Variants in KAZN observed in about 807,000 individuals in gnomAD.
KAZN encodes kazrin, periplakin interacting protein, also known as kazrin.
In KAZN, 40 loss-of-function variants were observed where a neutral mutation model predicts 87.4. The ratio of observed to expected loss-of-function variants is 0.46; its 90% CI spans 0.36 to 0.60. The LOEUF (loss-of-function observed/expected upper bound fraction) is 0.60. Ranked by LOEUF, KAZN falls within the 20% of genes least tolerant of loss-of-function variation. The pLI, the probability that KAZN is intolerant of heterozygous loss-of-function variation, is 0.00. For missense variants in KAZN, 898 were observed against 1,073.9 expected (o/e 0.84, Z 2.29); for synonymous variants, 466 against 458.3 (o/e 1.02, Z -0.22).
chr1:14,907,786 T>C (rs1572795571), intron 1 of KAZN, among the ~76,000 whole-genome samples: 1 of 152,028 alleles, frequency 6.6e-6, no homozygotes, highest in East Asian at 1.9e-4. Flanking sequence ...GGGATGGCAA[T>C]TGGGGTCTCA....
intron 2 of KAZN, among the ~76,000 whole-genome samples, chr1:14,447,702 G>A (rs571826395): frequency 2.0e-5 from 3 of 152,050 alleles, no homozygotes; most frequent in South Asian, 4.2e-4. Flanking sequence ...AATTCATCTC[G>A]TCTCCTCAGC....
chr1:14,593,852 C>T (rs1036635947), upstream of KAZN, among the ~76,000 whole-genome samples: 3 of 152,120 alleles, frequency 2.0e-5, no homozygotes, highest in Non-Finnish European at 4.4e-5. Flanking sequence ...TGGTGTGGTG[C>T]AAGAAGTCAG....
intron 2 of KAZN, among the ~76,000 whole-genome samples, chr1:14,188,879 G>C (rs1340042485): frequency 6.6e-6 from 1 of 152,042 alleles, no homozygotes; most frequent in Admixed American, 6.6e-5. Context: ...TTTTAAGGTT[G>C]TAGCTCCCAT....
At chr1:14,256,017 C>T (rs528777077) in intron 2 of KAZN, among the ~76,000 whole-genome samples, 21 of 152,218 alleles carry the variant, frequency 1.4e-4, no homozygotes, top group African/African-American at 1.9e-4. Context: ...GACTCTCTGT[C>T]GCAGCTTCTC....
In KAZN at chr1:14,449,406, T is replaced by C. The variant is rs1374012283; in HGVS notation, c.250-149577T>C. Among the ~76,000 whole-genome samples the C allele has an allele frequency of 2.0e-5, 3 of 152,296 alleles. No individual in the cohort carries two copies. In the East Asian group the frequency reaches 5.8e-4, roughly 29 times the overall value. ...TTAGAAATTTTACAGAACCAGAATA[T>C]TTTGCCATCACCCTCAGAAACCTGG... On this transcript the variant is annotated intron_variant, in intron 2 of 16. Coordinates refer to the KAZN transcript ENST00000636203.
At chr1:14,200,155 C>A (rs554378513) in intron 2 of KAZN, among the ~76,000 whole-genome samples, 1 of 152,078 alleles carries the variant, frequency 6.6e-6, no homozygotes, top group Non-Finnish European at 1.5e-5. Context: ...AAATAAAAAT[C>A]CAATAATATT....
intron 1 of KAZN, among the ~76,000 whole-genome samples, chr1:14,647,459 T>C (rs1317545087): frequency 2.6e-5 from 4 of 152,158 alleles, no homozygotes; most frequent in Non-Finnish European, 4.4e-5. Context: ...GACCAGTCAA[T>C]TGTTACAGAA....
intron 1 of KAZN, among the ~76,000 whole-genome samples, chr1:14,865,303 A>G (rs1187088215): frequency 6.6e-6 from 1 of 152,226 alleles, no homozygotes; most frequent in East Asian, 1.9e-4. Context: ...GTAGTTAATG[A>G]AGATGATAAT....
chr1:14,978,771 G>A (rs944025085), intron 2 of KAZN, among the ~76,000 whole-genome samples: 2 of 152,120 alleles, frequency 1.3e-5, no homozygotes, highest in Non-Finnish European at 2.9e-5. Context: ...CAGTCTTTCT[G>A]AGCTGCTCCT....
chr1:14,814,583 G>T lies in KAZN; in HGVS notation c.227-146101G>T, dbSNP rs145646103. ...GTGCTCTGAGCACAGACAAACAGGA[G>T]ACTGGCCTTGCAGTCAAAGATGAGA... On this transcript the variant is annotated intron_variant, in intron 1 of 14. Coordinates refer to ENST00000376030, the MANE Select transcript of KAZN (RefSeq NM_201628.3). Among the ~76,000 whole-genome samples, 820 of 152,366 alleles carry T rather than the reference G, an allele frequency of 5.4e-3. 14 individuals are homozygous for T. The highest frequency in any genetic ancestry group is 0.047 in the East Asian group (242 of 5,178).
chr1:13,952,309 C>T (rs1245032205), intron 1 of KAZN, among the ~76,000 whole-genome samples: 1 of 150,674 alleles, frequency 6.6e-6, no homozygotes, highest in African/African-American at 2.4e-5. Context: ...CACTTCACTG[C>T]TTGGAGTCTT....
At chr1:14,164,325 T>C (rs2100220197) in intron 1 of KAZN, among the ~76,000 whole-genome samples, 1 of 152,220 alleles carries the variant, frequency 6.6e-6, no homozygotes, top group East Asian at 1.9e-4. Flanking sequence ...CACATTCACA[T>C]GGCTGGTGGG....
At chr1:15,082,729 G>A (rs1269987558) in intron 8 of KAZN, among the ~76,000 whole-genome samples, 2 of 152,186 alleles carry the variant, frequency 1.3e-5, no homozygotes, top group African/African-American at 2.4e-5. Context: ...GTCTCGCTCT[G>A]TCGCTCAGGC....
intron 1 of KAZN, among the ~76,000 whole-genome samples, chr1:14,092,915 T>C (rs150143893): frequency 2.6e-5 from 4 of 152,358 alleles, no homozygotes; most frequent in African/African-American, 9.6e-5. Context: ...GCTATCTCTC[T>C]GAACTGGTTA....
chr1:14,540,009 A>G (rs1483205559), intron 2 of KAZN, among the ~76,000 whole-genome samples: 4 of 152,100 alleles, frequency 2.6e-5, no homozygotes, highest in Non-Finnish European at 5.9e-5. Flanking sequence ...CCAGCTTTCT[A>G]AGTAGAATTC....
chr1:14,620,092 G>A (rs1678575324), intron 1 of KAZN, among the ~76,000 whole-genome samples: 1 of 152,164 alleles, frequency 6.6e-6, no homozygotes. Context: ...ACAATAGTAA[G>A]TACAGTTACC....
At chr1:14,508,582 C>T (rs1404590858) in intron 2 of KAZN, among the ~76,000 whole-genome samples, 2 of 152,122 alleles carry the variant, frequency 1.3e-5, no homozygotes, top group Non-Finnish European at 2.9e-5. Flanking sequence ...GGTGGAATCA[C>T]CTGGTTTCAA....
intron 2 of KAZN, among the ~76,000 whole-genome samples, chr1:14,443,092 A>G (rs1010272940): frequency 2.6e-5 from 4 of 152,182 alleles, no homozygotes; most frequent in Non-Finnish European, 5.9e-5. Context: ...CTTGAATTAC[A>G]TAACCTTTAA....
At chr1:14,403,535 G>C (rs1663590503) in intron 2 of KAZN, among the ~76,000 whole-genome samples, 1 of 152,102 alleles carries the variant, frequency 6.6e-6, no homozygotes, top group Non-Finnish European at 1.5e-5. Context: ...TTAGTATCTA[G>C]AATATATAAA....
Sources: gnomAD v4.1 joint callset for allele counts (sites outside exome capture counted in the v4.1 genomes callset) on GRCh38, gnomAD v4.1.1 for gene constraint, MANE v1.5 for transcripts, NCBI Gene and HGNC (gene_info 2026-07-23, HGNC 2026-07-21) for gene names.